The following FGD5 variants were observed in gnomAD, a reference collection of about 807,000 sequenced individuals.
The protein encoded by FGD5 is FYVE, RhoGEF and PH domain containing 5, also known as FYVE, RhoGEF and PH domain-containing protein 5.
A neutral mutation model predicts 133.4 loss-of-function variants in FGD5; 28 were observed. The observed-to-expected ratio is 0.21, with a 90% CI of 0.16 to 0.29. The LOEUF (loss-of-function observed/expected upper bound fraction) is 0.29. FGD5 is among the 10% of genes least tolerant of loss of function. FGD5 has a pLI of 1.00. For synonymous variants in FGD5, 810 were observed against 776.5 expected, an observed-to-expected ratio of 1.04 and a Z score of -0.72; for missense variants, 1,858 against 1,895.2, an observed-to-expected ratio of 0.98 and a Z score of 0.36.
intron 1 of FGD5, among the ~76,000 whole-genome samples, chr3:14,830,419 G>A (rs542514360): frequency 1.6e-4 from 24 of 152,210 alleles, no homozygotes; most frequent in Non-Finnish European, 2.8e-4. Flanking sequence ...TGTCAGGAAC[G>A]CACTCATTGT....
intron 11 of FGD5, among the ~76,000 whole-genome samples, chr3:14,912,925 A>G (rs1362934924): frequency 5.3e-5 from 8 of 152,012 alleles, no homozygotes; most frequent in Admixed American, 5.2e-4. Context: ...AGTCCTAGCT[A>G]CTCAGGAGGC....
intron 4 of FGD5, among the ~76,000 whole-genome samples, chr3:14,890,810 G>T (rs902677362): frequency 6.6e-6 from 1 of 152,150 alleles, no homozygotes; most frequent in Non-Finnish European, 1.5e-5. Flanking sequence ...AAATACAGCC[G>T]GTCTTGTCTT....
Position 14,864,243 on chromosome 3 carries a change from C to T in FGD5, c.2641C>T (p.Pro881Ser). The T allele has an allele frequency of 1.2e-6, 2 of 1,613,928 alleles. No individual in the cohort carries two copies. Among genetic ancestry groups the T allele is most frequent in the Non-Finnish European group, 1.7e-6 (2 of 1,179,876 alleles). ...GGAGGAGGACAGTGCTTCAAGAGAC[C>T]CCAGTGTCACCCACAAGGTAGGGCA... ...SEEEDSASRD[P>S]SVTHKVEGQS... The change falls in exon 2 of 20, where the codon CCC becomes TCC. Residue 881 changes from proline to serine, a missense_variant. By Grantham distance (74) the Pro-to-Ser change is moderately conservative. Transcript: ENST00000285046.
intron 2 of FGD5, among the ~76,000 whole-genome samples, chr3:14,874,971 C>T (rs552154927): frequency 5.5e-4 from 84 of 152,308 alleles, no homozygotes; most frequent in African/African-American, 1.9e-3. Flanking sequence ...CCTCCGCCTC[C>T]TCTTCCTGCT....
At chr3:14,810,910 G>A in intron 1 of FGD5, 1 of 985,152 alleles carries the variant, frequency 1.0e-6, no homozygotes, top group Non-Finnish European at 1.2e-6. Context: ...GAGCGCGAGG[G>A]ACCCCGGCCG....
At chr3:14,894,948 CTGA>C (rs1042121293) in intron 4 of FGD5, among the ~76,000 whole-genome samples, 45 of 152,048 alleles carry the variant, frequency 3.0e-4, no homozygotes, top group African/African-American at 1.1e-3. Flanking sequence ...TTGCATTTCT[CTGA>C]TGATTATGAT....
At chr3:14,902,469 G>A (rs2038258784) in intron 9 of FGD5, among the ~76,000 whole-genome samples, 1 of 152,088 alleles carries the variant, frequency 6.6e-6, no homozygotes, top group South Asian at 2.1e-4. Flanking sequence ...TTGGGGACAG[G>A]ATGGCAAGGT....
At chr3:14,827,496 A>G (rs771170670) in intron 1 of FGD5, among the ~76,000 whole-genome samples, 1 of 151,836 alleles carries the variant, frequency 6.6e-6, no homozygotes, top group East Asian at 1.9e-4. Context: ...ATTAGCCAGG[A>G]TGTTTTCTGG....
intron 1 of FGD5, chr3:14,811,309 C>T (rs1575181325): frequency 6.6e-6 from 1 of 152,404 alleles, no homozygotes; most frequent in Non-Finnish European, 1.5e-5. Flanking sequence ...CGTCCCGGAG[C>T]TCTCTTCGAC....
rs759253942 is a variant in FGD5, at chr3:14,820,481, G to A, written c.1410G>A (p.Leu470=). ...TGAACTGTGAGGCAGAGGGTGGCCTGGTTCCCGCGGACAGGAAGAACACCA... is the reference window on the plus strand; with the variant it reads ...TGAACTGTGAGGCAGAGGGTGGCCTAGTTCCCGCGGACAGGAAGAACACCA... The part of the protein sequence containing the change: ...EELNCEAEGG[L]VPADRKNTST... Residue 470 remains leucine, a synonymous_variant, in exon 1 of 20, where the codon CTG becomes CTA. Transcript: ENST00000285046. 4 of 1,613,952 alleles carry A rather than the reference G, an allele frequency of 2.5e-6. No homozygotes were observed. The highest frequency in any genetic ancestry group is 1.7e-5 in the Admixed American group (1 of 60,032).
At chr3:14,850,159 G>A (rs1385809238) in intron 1 of FGD5, among the ~76,000 whole-genome samples, 2 of 152,188 alleles carry the variant, frequency 1.3e-5, no homozygotes, top group Admixed American at 1.3e-4. Flanking sequence ...CTCCCAGAGC[G>A]GAGGTTGCAG....
At chr3:14,822,691 C>T (rs768352031) in intron 1 of FGD5, among the ~76,000 whole-genome samples, 1 of 152,108 alleles carries the variant, frequency 6.6e-6, no homozygotes, top group Admixed American at 6.6e-5. Flanking sequence ...TTGCCCTGAA[C>T]CATCCTCATT....
chr3:14,912,880 C>CA (rs1479035476), intron 11 of FGD5, among the ~76,000 whole-genome samples: 2 of 151,984 alleles, frequency 1.3e-5, no homozygotes, highest in East Asian at 1.9e-4. Flanking sequence ...ACTAAAAATA[C>CA]AAAAAATGAG....
chr3:14,871,125 G>A (rs1229509493), intron 2 of FGD5, among the ~76,000 whole-genome samples: 1 of 152,158 alleles, frequency 6.6e-6, no homozygotes, highest in Non-Finnish European at 1.5e-5. Context: ...AGGGCTCCTA[G>A]ATCTTCTGCC....
rs142703325 is a variant in FGD5, at chr3:14,812,169, C to T, written c.13+1304C>T. On this transcript the variant is annotated intron_variant, in intron 1 of 1. Transcript: ENST00000640506. ...GGCAGCCACCTTCCATGTCCAGGCC[C>T]TGTTATTGCTGGGCATACAGGCCCC... 3.0e-4 allele frequency among the ~76,000 whole-genome samples: 46 copies of T among 152,304 alleles called. No homozygotes were observed. In the East Asian group the frequency reaches 8.7e-3, roughly 29 times the overall value.
chr3:14,850,792 G>T (rs942887159), intron 1 of FGD5, among the ~76,000 whole-genome samples: 19 of 146,884 alleles, frequency 1.3e-4, no homozygotes, highest in African/African-American at 4.5e-4. Flanking sequence ...GGTTGGGGGG[G>T]CAGTGGTGGG....
At chr3:14,887,153 C>T (rs2037940281) in intron 4 of FGD5, among the ~76,000 whole-genome samples, 1 of 152,134 alleles carries the variant, frequency 6.6e-6, no homozygotes, top group East Asian at 1.9e-4. Context: ...TATGTCTCTC[C>T]GTCAGTTGTC....
At chr3:14,888,646 G>A (rs182441433) in intron 4 of FGD5, among the ~76,000 whole-genome samples, 2 of 152,302 alleles carry the variant, frequency 1.3e-5, no homozygotes, top group East Asian at 3.9e-4. Flanking sequence ...CGCCCTTCAG[G>A]CTCTGACCCC....
chr3:14,817,733 G>A (rs1306297578), upstream of FGD5, among the ~76,000 whole-genome samples: 1 of 152,312 alleles, frequency 6.6e-6, no homozygotes, highest in South Asian at 2.1e-4. Flanking sequence ...GGCCACTTGT[G>A]TCATACCCAA....
Sources: gnomAD v4.1 joint callset for allele counts (sites outside exome capture counted in the v4.1 genomes callset) on GRCh38, gnomAD v4.1.1 for gene constraint, MANE v1.5 for transcripts, NCBI Gene and HGNC (gene_info 2026-07-23, HGNC 2026-07-21) for gene names.